SMC2: variants seen among roughly 807,000 people sequenced by gnomAD.
The protein encoded by SMC2 is structural maintenance of chromosomes 2.
A neutral mutation model predicts 142.6 loss-of-function variants in SMC2; 41 were observed. The observed-to-expected ratio is 0.29, with a 90% CI of 0.22 to 0.37. SMC2 has a LOEUF of 0.37. SMC2 is among the 10% of genes least tolerant of loss of function. SMC2 has a pLI of 1.00. For synonymous variants in SMC2, 463 were observed against 457.5 expected (o/e 1.01, Z -0.15); for missense variants, 1,265 against 1,373.7 (o/e 0.92, Z 1.25).
In SMC2 at chr9:104,126,693, C is replaced by A. The variant is rs1418808103; in HGVS notation, c.2504C>A (p.Ser835Tyr). 2 of 1,612,606 alleles carry A rather than the reference C, an allele frequency of 1.2e-6. No homozygotes were observed. The highest frequency in any genetic ancestry group is 1.7e-6 in the Non-Finnish European group (2 of 1,179,482). ...GAAGAGCTCAAGAGAGAGCATACAT[C>A]TTACAAACAACAGCTTGAAGCTGTA... ...ELEELKREHT[S>Y]YKQQLEAVNE... Residue 835 changes from serine to tyrosine, a missense_variant, in exon 19 of 25, where the codon TCT (serine) becomes TAT (tyrosine). Physicochemically the swap from Ser to Tyr is moderately radical, Grantham distance 144. Transcript: ENST00000374793.
chr9:104,134,479 C>T lies in SMC2; in HGVS notation c.3173C>T (p.Pro1058Leu), dbSNP rs373478734. 1.9e-6 allele frequency: 3 copies of T among 1,612,728 alleles called. No homozygotes were observed. Among genetic ancestry groups the T allele is most frequent in the Non-Finnish European group, 2.5e-6 (3 of 1,179,148 alleles). ...CCTGGTGCTAATGCTATGCTTGCAC[C>T]ACCAGAGGGTCAAACTGTTTTGGAT... ...LLPGANAMLA[P>L]PEGQTVLDGL... is the part of the protein sequence containing the mutation. The change falls in exon 23 of 25, where the codon CCA becomes CTA. Residue 1058 changes from proline (P) to leucine (L), a missense_variant. Transcript: ENST00000374793.
At chr9:104,097,038 A>G (rs1830508861) in intron 3 of SMC2, among the ~76,000 whole-genome samples, 3 of 150,846 alleles carry the variant, frequency 2.0e-5, no homozygotes, top group Admixed American at 6.6e-5. Flanking sequence ...TTGTGGATTC[A>G]TATTAGATTT....
At chr9:104,093,782 C>T (rs968655578), upstream of SMC2, among the ~76,000 whole-genome samples, 1 of 151,068 alleles carries the variant, frequency 6.6e-6, no homozygotes, top group Admixed American at 6.6e-5. Context: ...AGCCAGGACG[C>T]GGGCCAGAGT....
Position 104,097,508 on chromosome 9 carries a change from G to GAAAAAA in SMC2, c.319-925_319-920dup, listed in dbSNP as rs59646608. 2.5e-3 allele frequency among the ~76,000 whole-genome samples: 303 copies of GAAAAAA among 121,852 alleles called. 2 individuals are homozygous for GAAAAAA. The highest frequency in any genetic ancestry group is 8.7e-3 in the African/African-American group (289 of 33,056). 79.9% of individuals were successfully genotyped at this position (121,852 alleles called of 152,430 possible). A position where few individuals can be genotyped will look rare whatever the true frequency, so the allele number is the denominator to read the frequency against. ...TCTATTTTAATGGAAGCCTCTGGTT[G>GAAAAAA]AAAAAAAAAAAAAAAAAAGAAGCGT... On this transcript the variant is annotated intron_variant, in intron 3 of 24. Transcript: ENST00000374793.
intron 14 of SMC2, among the ~76,000 whole-genome samples, chr9:104,117,943 A>C (rs1833314612): frequency 6.6e-6 from 1 of 152,222 alleles, no homozygotes; most frequent in African/African-American, 2.4e-5. Context: ...CATACTAGCT[A>C]TTAATAAATA....
Position 104,113,300 on chromosome 9 carries a change from C to T in SMC2, c.1255-16C>T, listed in dbSNP as rs1488359430. ...GCCTCATACATCCTATGGTCTGTTG[C>T]ATTTTTCTGCCACAGGCTCAGATGA... On this transcript the variant is annotated splice_polypyrimidine_tract_variant and intron_variant, in intron 10 of 24. Coordinates refer to ENST00000374793, the MANE Select transcript of SMC2 (RefSeq NM_006444.3). 6.3e-7 allele frequency: 1 copy of T among 1,593,622 alleles called. No homozygotes were observed. The highest frequency in any genetic ancestry group is 1.8e-5 in the Admixed American group (1 of 56,006).
At chr9:104,097,159 G>C (rs1194819186) in intron 3 of SMC2, among the ~76,000 whole-genome samples, 1 of 127,658 alleles carries the variant, frequency 7.8e-6, no homozygotes, top group Admixed American at 9.3e-5. Context: ...ACGGAGTCTC[G>C]CTCTGTTACC....
Position 104,098,631 on chromosome 9 carries a change from A to G in SMC2, c.441+63A>G. The G allele has an allele frequency of 4.1e-6, 6 of 1,462,668 alleles. 1 individual carries two copies. In the South Asian group the frequency reaches 7.5e-5, roughly 18 times the overall value. 90.6% of individuals were successfully genotyped at this position (1,462,668 alleles called of 1,614,324 possible). ...GTTTCGACATTTTTTACTTTTAAGC[A>G]ATTAAAATAGAAGTACTTTATGTTT... On this transcript the variant is annotated intron_variant, in intron 4 of 24. Coordinates refer to ENST00000374793, the MANE Select transcript of SMC2 (RefSeq NM_006444.3).
intron 15 of SMC2, among the ~76,000 whole-genome samples, chr9:104,119,519 A>C (rs1833499542): frequency 6.6e-6 from 1 of 152,068 alleles, no homozygotes; most frequent in South Asian, 2.1e-4. Flanking sequence ...GCTTACAACA[A>C]ATTTATTCCA....
Position 104,126,678 on chromosome 9 carries a change from A to G in SMC2, c.2489A>G (p.Lys830Arg), listed in dbSNP as rs556871194. ...ATCACTCTGGAACTGGAAGAGCTCA[A>G]GAGAGAGCATACATCTTACAAACAA... ...EAITLELEEL[K>R]REHTSYKQQL... Residue 830 changes from lysine to arginine, a missense_variant, in exon 19 of 25, where the codon AAG becomes AGG. By Grantham distance (26) the Lys-to-Arg change is conservative. This residue lies in a region of SMC2 where 898 missense variants were observed against 904.2 expected (regional missense o/e 0.99). Coordinates refer to ENST00000374793, the MANE Select transcript of SMC2 (RefSeq NM_006444.3). 7.8e-5 allele frequency: 125 copies of G among 1,612,330 alleles called. 1 individual carries two copies. In the South Asian group the frequency reaches 1.3e-3, roughly 16 times the overall value.
At chr9:104,097,210 C>T (rs1384463125) in intron 3 of SMC2, among the ~76,000 whole-genome samples, 4 of 147,342 alleles carry the variant, frequency 2.7e-5, no homozygotes, top group Admixed American at 6.8e-5. Context: ...GATTCTTCTG[C>T]CTCAGCCTCC....
At chr9:104,101,808 G>A (rs867036334) in intron 7 of SMC2, 152 bp from the exon 8 acceptor site, 2 of 547,972 alleles carry the variant, frequency 3.6e-6, no homozygotes, top group Middle Eastern at 4.8e-4. Context: ...GACTTCTGAT[G>A]TTACGTAAAG....
At chr9:104,118,043 G>A (rs535673318) in intron 14 of SMC2, 128 bp from the exon 15 acceptor site, 110 of 663,950 alleles carry the variant, frequency 1.7e-4, no homozygotes, top group Middle Eastern at 8.3e-4. Context: ...AGAAAATTCA[G>A]AAAGAGTTTT....
intron 23 of SMC2, among the ~76,000 whole-genome samples, chr9:104,136,390 A>G (rs2131572370): frequency 6.6e-6 from 1 of 152,226 alleles, no homozygotes; most frequent in African/African-American, 2.4e-5. Context: ...CTGCCTGTTC[A>G]TAAAAATTGG....
chr9:104,134,295 C>A, intron 22 of SMC2, 120 bp from the exon 23 acceptor site: 3 of 610,106 alleles, frequency 4.9e-6, no homozygotes, highest in Non-Finnish European at 5.2e-6. Flanking sequence ...CATAGTTTGT[C>A]AGCCCCTGAG....
Position 104,114,734 on chromosome 9 carries a change from G to C in SMC2, c.1576G>C (p.Val526Leu). The change falls in exon 13 of 25, where the codon GTG becomes CTG. Residue 526 changes from valine to leucine, a missense_variant. Physicochemically the swap from Val to Leu is conservative, Grantham distance 32. Transcript: ENST00000374793. ...GAATAGAAATTGTGTGAAAGGACTT[G>C]TGGCTTCTCTGATTAGTGTGAAAGA... The part of the protein sequence containing the change: ...NWNRNCVKGL[V>L]ASLISVKDTS... 1 of 1,613,164 alleles carries C rather than the reference G, an allele frequency of 6.2e-7. No homozygotes were observed. The highest frequency in any genetic ancestry group is 1.1e-5 in the South Asian group (1 of 90,988).
At chr9:104,113,211 G>C in intron 10 of SMC2, 105 bp from the exon 11 acceptor site, 11 of 725,778 alleles carry the variant, frequency 1.5e-5, no homozygotes, top group Non-Finnish European at 2.3e-5. Flanking sequence ...ATTAAACTTT[G>C]AAGGTTAAGG....
intron 8 of SMC2, 24 bp from the exon 9 acceptor site, chr9:104,102,400 T>A (rs746841168): frequency 1.3e-6 from 2 of 1,574,972 alleles, no homozygotes; most frequent in Non-Finnish European, 1.7e-6. Context: ...CATAAGTGAT[T>A]GAATTGACTG....
At chr9:104,097,508 GA>G (rs59646608) in intron 3 of SMC2, among the ~76,000 whole-genome samples, 3,442 of 121,810 alleles carry the variant, frequency 0.028, 124 homozygotes, top group African/African-American at 0.092. Flanking sequence ...GCCTCTGGTT[GA>G]AAAAAAAAAA....
Sources: allele counts gnomAD v4.1 joint callset (sites outside exome capture counted in the v4.1 genomes callset), GRCh38; gene constraint gnomAD v4.1.1; regional missense constraint gnomAD v4.1.1; transcripts MANE v1.5; gene names NCBI Gene and HGNC (gene_info 2026-07-23, HGNC 2026-07-21).